Variants in SYT3 observed in about 807,000 individuals in gnomAD.
The protein encoded by SYT3 is synaptotagmin 3.
Under a neutral mutation model 50.6 loss-of-function variants are expected in SYT3, and 25 were observed. The observed-to-expected ratio is 0.49, with a 90% confidence interval of 0.36 to 0.69. The LOEUF (loss-of-function observed/expected upper bound fraction) is 0.69, where lower values mean the gene tolerates loss of function less well. Among genes scored for constraint, SYT3 ranks in the 30% least tolerant of loss-of-function variants. The pLI, the probability that SYT3 is intolerant of heterozygous loss-of-function variation, is 0.00. For missense variants in SYT3, 589 were observed against 793.6 expected (o/e 0.74, Z 3.10); for synonymous variants, 323 against 353.9 (o/e 0.91, Z 0.98).
the SYT3 span, among the ~76,000 whole-genome samples, chr19:50,656,979 AGAAGGAAG>A: frequency 5.5e-3 from 790 of 144,302 alleles, 11 homozygotes; most frequent in African/African-American, 0.02. Context: ...AAAGAAAGAA[AGAAGGAAG>A]GAAGGAAGGG....
In SYT3 at chr19:50,625,482, G is replaced by A. The variant is rs1984015128; in HGVS notation, c.1485C>T (p.Asn495=). 3 of 1,607,838 alleles carry A rather than the reference G, an allele frequency of 1.9e-6. No homozygotes were observed. Among genetic ancestry groups the A allele is most frequent in the Non-Finnish European group, 2.5e-6 (3 of 1,177,636 alleles). The part of the protein sequence containing the change: ...RKTSIKKNTL[N]PTYNEALVFD... Reference sequence around the variant, plus strand: ...ACACCAGCGCCTCATTATAGGTGGGGTTCAGCGTGTTCTTCTTGATGGAGG... The same window carrying A: ...ACACCAGCGCCTCATTATAGGTGGGATTCAGCGTGTTCTTCTTGATGGAGG... Residue 495 remains asparagine, a synonymous_variant, in exon 8 of 11, where the codon AAC becomes AAT. Transcript: ENST00000600079. The surrounding 1 kb of genome is among the most constrained non-coding windows in gnomAD (Gnocchi z 7.5).
At chr19:50,656,095 G>C in the SYT3 span, 1 of 1,535,978 alleles carries the variant, frequency 6.5e-7, no homozygotes, top group African/African-American at 1.4e-5. Flanking sequence ...ATGCAGGCTC[G>C]GAGCCTGGGC....
intron 6 of SYT3, 52 bp downstream of exon 6, chr19:50,629,242 G>T: frequency 6.9e-7 from 1 of 1,448,880 alleles, no homozygotes. Flanking sequence ...CTTGCAACCC[G>T]GGGGGTCTCA....
In SYT3 at chr19:50,625,377, G is replaced by C; in HGVS notation, c.1574+16C>G. Reference sequence around the variant, plus strand: ...CAGCCCTCCTGCCTGACCCCCGCCCGGGCCGCGCCCCTCACCAGTCGTAGT... The same window carrying C: ...CAGCCCTCCTGCCTGACCCCCGCCCCGGCCGCGCCCCTCACCAGTCGTAGT... On this transcript the variant is annotated intron_variant, in intron 8 of 10. Coordinates refer to ENST00000600079, the MANE Select transcript of SYT3 (RefSeq NM_001160329.2). The surrounding 1 kb of genome is among the most constrained non-coding windows in gnomAD (Gnocchi z 7.5). 6.5e-7 allele frequency: 1 copy of C among 1,540,700 alleles called. No individual in the cohort carries two copies. The highest frequency in any genetic ancestry group is 8.7e-7 in the Non-Finnish European group (1 of 1,143,756).
At chr19:50,655,977 G>T in the SYT3 span, 2 of 1,405,390 alleles carry the variant, frequency 1.4e-6, no homozygotes, top group Non-Finnish European at 1.9e-6. Context: ...GCAAGCAATT[G>T]GTGATGGCCA....
Position 50,626,025 on chromosome 19 carries a change from TG to T in SYT3, c.1282-9del. Reference sequence around the variant, plus strand: ...CCCAAGATCTGCTTTTTCCTGCAGTTGGGGAAAAGGTCAGCGATATCTTGCC... The same window carrying T: ...CCCAAGATCTGCTTTTTCCTGCAGTTGGGAAAAGGTCAGCGATATCTTGCC... On this transcript the variant is annotated splice_polypyrimidine_tract_variant and intron_variant, in intron 6 of 10. Transcript: ENST00000600079. The T allele has an allele frequency of 6.2e-7, 1 of 1,613,114 alleles. No individual in the cohort carries two copies. The highest frequency in any genetic ancestry group is 8.5e-7 in the Non-Finnish European group (1 of 1,179,570).
chr19:50,633,726 C>A (rs1984401228), intron 3 of SYT3, among the ~76,000 whole-genome samples: 1 of 152,112 alleles, frequency 6.6e-6, no homozygotes, highest in African/African-American at 2.4e-5. Flanking sequence ...GATTACATAC[C>A]AAATAGCTCA....
rs758636185 is a variant in SYT3, at chr19:50,637,461, G to C, written c.-15-35C>G. 6.4e-7 allele frequency: 1 copy of C among 1,559,328 alleles called. No individual in the cohort carries two copies. Among genetic ancestry groups the C allele is most frequent in the Non-Finnish European group, 8.7e-7 (1 of 1,147,408 alleles). On this transcript the variant is annotated intron_variant, in intron 2 of 10. Coordinates refer to ENST00000600079, the MANE Select transcript of SYT3 (RefSeq NM_001160329.2). The surrounding 1 kb of genome is among the most constrained non-coding windows in gnomAD (Gnocchi z 4.9). ...GGAGGGATGGGGCAAGGGTGCAGAT[G>C]GGAAACAGAATGGGAGTGCAGGGTG...
At chr19:50,627,437 A>C (rs1228639531) in intron 6 of SYT3, among the ~76,000 whole-genome samples, 1 of 152,112 alleles carries the variant, frequency 6.6e-6, no homozygotes, top group Non-Finnish European at 1.5e-5. Context: ...GAAATGAATG[A>C]AGGCTGGGTG....
At position 50,630,116 on chromosome 19, in the gene SYT3, G is replaced by A. The variant is rs762468525; in HGVS notation, c.730C>T (p.Pro244Ser). Residue 244 changes from proline (P) to serine (S), a missense_variant, in exon 5 of 11, where the codon CCC becomes TCC. By Grantham distance (74) the Pro-to-Ser change is moderately conservative. This residue lies in a region of SYT3 where 316 missense variants were observed against 354.3 expected (regional missense o/e 0.89). Transcript: ENST00000600079. Reference protein sequence around the residue: ...TQQTLTSQPDPSSEERPPALP... With the variant: ...TQQTLTSQPDSSSEERPPALP... The stretch of plus-strand genomic sequence containing the variant: ...GCAGGTGGCCGCTCCTCACTGCTGG[G>A]GTCCGGCTGGGAGGTCAGAGTCTGC... 3.1e-6 allele frequency: 5 copies of A among 1,603,366 alleles called. No homozygotes were observed. The highest frequency in any genetic ancestry group is 2.7e-5 in the African/African-American group (2 of 74,736).
At chr19:50,624,093 G>T (rs1311933512) in intron 9 of SYT3, among the ~76,000 whole-genome samples, 5 of 151,894 alleles carry the variant, frequency 3.3e-5, no homozygotes, top group African/African-American at 4.8e-5. Context: ...CTCCTGAGTA[G>T]CAGGGACTAT....
chr19:50,653,213 A>G, the SYT3 span, among the ~76,000 whole-genome samples: 1 of 151,770 alleles, frequency 6.6e-6, no homozygotes, highest in Non-Finnish European at 1.5e-5. Flanking sequence ...AATTTTTTGT[A>G]TTTTTAGTAG....
In SYT3 at chr19:50,634,572, C is replaced by CTTT. The variant is rs3028785; in HGVS notation, c.149-1764_149-1762dup. On this transcript the variant is annotated intron_variant, in intron 3 of 10. Coordinates refer to ENST00000600079, the MANE Select transcript of SYT3 (RefSeq NM_001160329.2). Reference sequence around the variant, plus strand: ...TCCTTCCCCCCTCCCTCTTGGGGTGCTTTTTTTTTTTTTTTTTTTTTTTTT... The same window carrying CTTT: ...TCCTTCCCCCCTCCCTCTTGGGGTGCTTTTTTTTTTTTTTTTTTTTTTTTTTTT... 1.1e-4 allele frequency among the ~76,000 whole-genome samples: 8 copies of CTTT among 74,220 alleles called. 1 individual carries two copies. Among genetic ancestry groups the CTTT allele is most frequent in the South Asian group, 1.1e-3 (2 of 1,758 alleles). The allele number at this position is 74,220 out of a possible 152,430, so 48.7% of individuals were successfully genotyped here.
rs1406811921 is a variant in SYT3, at chr19:50,622,389, G to A, written c.*96C>T. 2 of 250,004 alleles carry A rather than the reference G, an allele frequency of 8.0e-6. No individual in the cohort carries two copies. The highest frequency in any genetic ancestry group is 4.5e-5 in the African/African-American group (2 of 44,522). 15.5% of individuals were successfully genotyped at this position (250,004 alleles called of 1,614,324 possible). ...AGGGCTGCCCCGCACCAGCAGCTCGGACGTTATGGCTTCAAGGAGATGAAT... is the reference window on the plus strand; with the variant it reads ...AGGGCTGCCCCGCACCAGCAGCTCGAACGTTATGGCTTCAAGGAGATGAAT... On this transcript the variant is annotated 3_prime_UTR_variant, in exon 11 of 11. Coordinates refer to ENST00000600079, the MANE Select transcript of SYT3 (RefSeq NM_001160329.2).
chr19:50,622,086 T>C lies in SYT3; in HGVS notation c.*399A>G, dbSNP rs1983870381. On this transcript the variant is annotated 3_prime_UTR_variant, in exon 11 of 11. Coordinates refer to ENST00000600079, the MANE Select transcript of SYT3 (RefSeq NM_001160329.2). ...AACAGAAGGGGTGGACACAGGTGTG[T>C]GTGTGTCTGAAAGGACAGAGAGGAT... 1.2e-5 allele frequency: 1 copy of C among 82,184 alleles called. No individual in the cohort carries two copies. Among genetic ancestry groups the C allele is most frequent in the Non-Finnish European group, 2.4e-5 (1 of 42,532 alleles). 5.1% of individuals were successfully genotyped at this position (82,184 alleles called of 1,614,324 possible).
At chr19:50,657,445 T>G in the SYT3 span, among the ~76,000 whole-genome samples, 1 of 152,244 alleles carries the variant, frequency 6.6e-6, no homozygotes, top group Non-Finnish European at 1.5e-5. Flanking sequence ...GTTATCACCC[T>G]TGACATGCTA....
chr19:50,657,406 C>G, the SYT3 span, among the ~76,000 whole-genome samples: 9 of 152,274 alleles, frequency 5.9e-5, no homozygotes, highest in South Asian at 1.9e-3. Context: ...CATTTTAGTT[C>G]CTCAGCAATT....
intron 2 of SYT3, among the ~76,000 whole-genome samples, chr19:50,638,499 G>A (rs911255775): frequency 6.6e-5 from 10 of 152,022 alleles, no homozygotes; most frequent in African/African-American, 2.4e-4. Flanking sequence ...ATAATGTGAA[G>A]GGCAGACTGA....
chr19:50,653,551 C>T, the SYT3 span, among the ~76,000 whole-genome samples: 5 of 151,788 alleles, frequency 3.3e-5, no homozygotes, highest in Non-Finnish European at 5.9e-5. Context: ...GGGGGTGGGC[C>T]CTGGAGTAAG....
Sources: gnomAD v4.1 joint callset for allele counts (sites outside exome capture counted in the v4.1 genomes callset) on GRCh38, gnomAD v4.1.1 for gene constraint, gnomAD v4.1.1 regional missense constraint, Gnocchi (gnomAD v3.1) non-coding constraint, MANE v1.5 for transcripts, NCBI Gene and HGNC (gene_info 2026-07-23, HGNC 2026-07-21) for gene names.